The following ZUP1 variants were observed in gnomAD, a reference collection of about 807,000 sequenced individuals.
The protein encoded by ZUP1 is zinc finger-containing ubiquitin peptidase 1.
A neutral mutation model predicts 68.1 loss-of-function variants in ZUP1; 55 were observed. The ratio of observed to expected loss-of-function variants is 0.81; its 90% CI spans 0.65 to 1.01. ZUP1 has a LOEUF of 1.01. Among genes scored for constraint, ZUP1 ranks in the 50% least tolerant of loss-of-function variants. ZUP1 has a pLI of 0.00. For missense variants in ZUP1, 684 were observed against 674.9 expected, an observed-to-expected ratio of 1.01 and a Z score of -0.15; for synonymous variants, 223 against 221.5, an observed-to-expected ratio of 1.01 and a Z score of -0.06.
At position 116,650,309 on chromosome 6, in the gene ZUP1, C is replaced by CT. The variant is rs563575001; in HGVS notation, c.1316+1262dup. On this transcript the variant is annotated intron_variant, in intron 7 of 9. Transcript: ENST00000368576. ...TGGTAGCGGAAGCCTGTAATCCCAG[C>CT]TACTAGGGAGGCTGAGGCAGGGGAA... is the stretch of plus-strand genomic sequence containing the variant. Among the ~76,000 whole-genome samples, 230 of 150,476 alleles carry CT rather than the reference C, an allele frequency of 1.5e-3. 4 individuals carry two copies. Among genetic ancestry groups the CT allele is most frequent in the African/African-American group, 5.5e-3 (224 of 40,832 alleles).
At chr6:116,637,490 G>A (rs9384983) in intron 9 of ZUP1, among the ~76,000 whole-genome samples, 28,694 of 151,950 alleles carry the variant, frequency 0.19, 2,888 homozygotes, top group East Asian at 0.29. Flanking sequence ...GCCAAGTTAC[G>A]ATTCTTACAG....
chr6:116,639,425 C>T (rs1180002276), intron 9 of ZUP1, among the ~76,000 whole-genome samples: 5 of 152,212 alleles, frequency 3.3e-5, no homozygotes, highest in East Asian at 1.9e-4. Flanking sequence ...AGCAGCCTAA[C>T]GGGGAGGCAT....
intron 2 of ZUP1, among the ~76,000 whole-genome samples, chr6:116,662,620 C>T (rs1776877951): frequency 6.6e-6 from 1 of 152,194 alleles, no homozygotes. Flanking sequence ...GAAATACCAT[C>T]GGTCATCAGT....
intron 3 of ZUP1, 56 bp downstream of exon 3, chr6:116,660,680 G>C: frequency 2.2e-6 from 2 of 920,586 alleles, no homozygotes; most frequent in Non-Finnish European, 3.3e-6. Flanking sequence ...AATTAGATAT[G>C]TGTCCTAGAA....
chr6:116,661,795 G>A (rs1018332626), intron 2 of ZUP1, among the ~76,000 whole-genome samples: 1 of 152,202 alleles, frequency 6.6e-6, no homozygotes, highest in Non-Finnish European at 1.5e-5. Flanking sequence ...GCTTCACAGG[G>A]AAGGGATCAT....
In ZUP1 at chr6:116,635,776, C is replaced by T; in HGVS notation, c.*56G>A. On this transcript the variant is annotated 3_prime_UTR_variant, in exon 10 of 10. Coordinates refer to ENST00000368576, the MANE Select transcript of ZUP1 (RefSeq NM_145062.3). ...ATTGTATTAAGGAGTTCAATATCTACATTTAGAAAACAAAGTATTGTTCTC... is the reference window on the plus strand; with the variant it reads ...ATTGTATTAAGGAGTTCAATATCTATATTTAGAAAACAAAGTATTGTTCTC... 1.4e-6 allele frequency: 2 copies of T among 1,424,380 alleles called. No homozygotes were observed. Among genetic ancestry groups the T allele is most frequent in the East Asian group, 2.4e-5 (1 of 42,310 alleles). 88.2% of individuals were successfully genotyped at this position (1,424,380 alleles called of 1,614,324 possible).
chr6:116,645,818 CTA>C lies in ZUP1; in HGVS notation c.1583_1584del (p.Ile528ArgfsTer3). On this transcript the variant is annotated frameshift_variant, in exon 9 of 10. Transcript: ENST00000368576. LOFTEE classifies it high-confidence loss of function. ...REMQKLLKQD[I>X]EASSLKQLRK... ...CGAAGTTGCTTGAGACTGCTAGCCT[CTA>C]TGTCTTGCTTTAATAATTTCTGCAT... 2 of 1,613,844 alleles carry C rather than the reference CTA, an allele frequency of 1.2e-6. No individual in the cohort carries two copies. Among genetic ancestry groups the C allele is most frequent in the South Asian group, 1.1e-5 (1 of 91,078 alleles).
At chr6:116,648,213 G>T (rs1054414744) in intron 7 of ZUP1, among the ~76,000 whole-genome samples, 1 of 152,156 alleles carries the variant, frequency 6.6e-6, no homozygotes, top group Non-Finnish European at 1.5e-5. Flanking sequence ...TCCTTCAAGA[G>T]GAAGTCACCC....
chr6:116,655,365 T>C (rs1004007936), intron 5 of ZUP1, among the ~76,000 whole-genome samples: 2 of 152,140 alleles, frequency 1.3e-5, no homozygotes, highest in African/African-American at 2.4e-5. Context: ...CTGCAAAATA[T>C]TTTATGGAAA....
chr6:116,659,319 G>A (rs540197476), intron 3 of ZUP1, among the ~76,000 whole-genome samples: 1 of 152,086 alleles, frequency 6.6e-6, no homozygotes, highest in African/African-American at 2.4e-5. Flanking sequence ...TAGTAGAGAT[G>A]GAGTTTCGCC....
In ZUP1 at chr6:116,664,169, G is replaced by A. The variant is rs140543533; in HGVS notation, c.559+2465C>T. On this transcript the variant is annotated intron_variant, in intron 2 of 9. Transcript: ENST00000368576. ...CACAAGCCTGGGCGCGGTGGCTTAC[G>A]CCTGTAATCCCAGCATTTTGGGGGG... 6.2e-4 allele frequency among the ~76,000 whole-genome samples: 94 copies of A among 152,258 alleles called. 1 individual carries two copies. The highest frequency in any genetic ancestry group is 1.0e-3 in the Admixed American group (16 of 15,300).
intron 4 of ZUP1, 108 bp from the exon 5 acceptor site, chr6:116,656,960 T>C (rs559514464): frequency 1.4e-5 from 10 of 720,774 alleles, no homozygotes; most frequent in South Asian, 5.0e-5. Flanking sequence ...TTCTGGTTTA[T>C]AGACTTTATA....
intron 9 of ZUP1, among the ~76,000 whole-genome samples, chr6:116,645,243 C>G (rs1277976013): frequency 2.6e-5 from 4 of 151,666 alleles, no homozygotes; most frequent in Non-Finnish European, 5.9e-5. Context: ...ACATATAAAA[C>G]CAAATGGCTT....
intron 8 of ZUP1, 172 bp from the exon 9 acceptor site, chr6:116,646,106 T>A: frequency 2.3e-6 from 1 of 441,060 alleles, no homozygotes; most frequent in Non-Finnish European, 3.9e-6. Context: ...TCTACTTCAG[T>A]TTTTTCATTT....
At chr6:116,667,311 T>G (rs1399409843) in intron 1 of ZUP1, 104 bp from the exon 2 acceptor site, 3 of 667,052 alleles carry the variant, frequency 4.5e-6, no homozygotes, top group Non-Finnish European at 6.8e-6. Flanking sequence ...ATTATTTTGA[T>G]GAAGAAGTTT....
chr6:116,646,053 G>A (rs1028325850), intron 8 of ZUP1, 119 bp from the exon 9 acceptor site: 19 of 636,100 alleles, frequency 3.0e-5, no homozygotes, highest in Non-Finnish European at 4.6e-5. Context: ...GTCAGACTCT[G>A]ACACATATGT....
intron 5 of ZUP1, among the ~76,000 whole-genome samples, chr6:116,655,929 T>C (rs934181940): frequency 6.6e-6 from 1 of 152,184 alleles, no homozygotes; most frequent in Non-Finnish European, 1.5e-5. Context: ...AAGTAGAAAA[T>C]ACACAATGGA....
At chr6:116,664,412 C>A in intron 2 of ZUP1, among the ~76,000 whole-genome samples, 1 of 141,226 alleles carries the variant, frequency 7.1e-6, no homozygotes, top group Admixed American at 7.4e-5. Context: ...GCCTGGGTGA[C>A]AGGGCAAAAG....
intron 5 of ZUP1, among the ~76,000 whole-genome samples, chr6:116,656,312 G>A (rs940273479): frequency 1.3e-5 from 2 of 151,948 alleles, no homozygotes; most frequent in South Asian, 4.1e-4. Context: ...TCGAACTCCC[G>A]ACCTCAGGTG....
Sources: allele counts gnomAD v4.1 joint callset (sites outside exome capture counted in the v4.1 genomes callset), GRCh38; gene constraint gnomAD v4.1.1; transcripts MANE v1.5; gene names NCBI Gene and HGNC (gene_info 2026-07-23, HGNC 2026-07-21).